The following PLPP1 variants were observed in gnomAD, a reference collection of about 807,000 sequenced individuals.
PLPP1 encodes the protein phospholipid phosphatase 1, also known as lipid phosphate phosphohydrolase 1a.
A neutral mutation model predicts 31.2 loss-of-function variants in PLPP1; 24 were observed. The ratio of observed to expected loss-of-function variants is 0.77; its 90% CI spans 0.56 to 1.08. The LOEUF is 1.08. Ranked by LOEUF, PLPP1 falls within the 50% of genes least tolerant of loss-of-function variation. The pLI, the probability that PLPP1 is intolerant of heterozygous loss-of-function variation, is 0.00. For synonymous variants in PLPP1, 146 were observed against 126.3 expected (o/e 1.16, Z -1.05); for missense variants, 319 against 342.7 (o/e 0.93, Z 0.55).
chr5:55,430,493 A>G (rs1489367982), intron 4 of PLPP1, among the ~76,000 whole-genome samples: 2 of 152,200 alleles, frequency 1.3e-5, no homozygotes, highest in Admixed American at 1.3e-4. Context: ...CTTTACAGCC[A>G]AAGAAATCAT....
chr5:55,522,129 G>A (rs1753682621), intron 1 of PLPP1, among the ~76,000 whole-genome samples: 1 of 152,120 alleles, frequency 6.6e-6, no homozygotes, highest in South Asian at 2.1e-4. Context: ...TAAATCACGA[G>A]ATTCTAACTA....
chr5:55,466,250 T>C (rs1351835956), intron 3 of PLPP1, among the ~76,000 whole-genome samples: 1 of 152,168 alleles, frequency 6.6e-6, no homozygotes, highest in Non-Finnish European at 1.5e-5. Flanking sequence ...CAAGTTCTCT[T>C]CCATTCTCAT....
chr5:55,496,899 G>GAATAAATCTAA (rs1277276217), intron 1 of PLPP1, among the ~76,000 whole-genome samples: 1 of 151,970 alleles, frequency 6.6e-6, no homozygotes, highest in Non-Finnish European at 1.5e-5. Context: ...TATTCCAATG[G>GAATAAATCTAA]AATAAATCTA....
chr5:55,483,669 CA>C (rs35550771), intron 1 of PLPP1, among the ~76,000 whole-genome samples: 1,294 of 117,224 alleles, frequency 0.011, 12 homozygotes, highest in African/African-American at 0.04. Context: ...GAGACTGTCT[CA>C]AAAAAAAAAA....
chr5:55,427,774 T>TG (rs1383699864), intron 4 of PLPP1, among the ~76,000 whole-genome samples: 1 of 129,198 alleles, frequency 7.7e-6, no homozygotes, highest in African/African-American at 2.9e-5. Context: ...CAACACTTTT[T>TG]TGGGGGGGGG....
chr5:55,504,677 T>C (rs1753232778), intron 1 of PLPP1, among the ~76,000 whole-genome samples: 1 of 151,958 alleles, frequency 6.6e-6, no homozygotes, highest in African/African-American at 2.4e-5. Flanking sequence ...TACTAAAGTG[T>C]AAGAAATATA....
intron 4 of PLPP1, among the ~76,000 whole-genome samples, chr5:55,430,969 T>C (rs1211228617): frequency 6.6e-6 from 1 of 152,172 alleles, no homozygotes; most frequent in Non-Finnish European, 1.5e-5. Flanking sequence ...GTTTCAACAA[T>C]AGACTGCATC....
chr5:55,515,884 A>G (rs1279646849), intron 1 of PLPP1, among the ~76,000 whole-genome samples: 2 of 152,182 alleles, frequency 1.3e-5, no homozygotes, highest in Non-Finnish European at 2.9e-5. Flanking sequence ...AACGATTCTC[A>G]AAAGTCTGAC....
intron 1 of PLPP1, among the ~76,000 whole-genome samples, chr5:55,479,948 G>A (rs931255512): frequency 2.6e-5 from 4 of 152,240 alleles, no homozygotes; most frequent in South Asian, 4.1e-4. Flanking sequence ...ATATATGTAT[G>A]TGGAATTAAA....
rs186679018 is a variant in PLPP1 at position 55,506,033 on chromosome 5, G to A, written c.58+28539C>T. Among the ~76,000 whole-genome samples, 390 of 152,156 alleles carry A rather than the reference G, an allele frequency of 2.6e-3. 1 individual carries two copies. Among genetic ancestry groups the A allele is most frequent in the African/African-American group, 9.0e-3 (374 of 41,508 alleles). On this transcript the variant is annotated intron_variant, in intron 1 of 5. Coordinates refer to ENST00000307259, the MANE Select transcript of PLPP1 (RefSeq NM_003711.4). ...GATCACGCCACTGCACTCCAGCGTA[G>A]GCAACAGAGCAAGACTCTGTCTCAA...
intron 3 of PLPP1, among the ~76,000 whole-genome samples, chr5:55,465,023 G>GT (rs1490139116): frequency 7.2e-6 from 1 of 139,846 alleles, no homozygotes; most frequent in Non-Finnish European, 1.5e-5. Flanking sequence ...TCCTATAAGT[G>GT]TTTTTTTATG....
At chr5:55,433,938 A>C (rs1189616063) in intron 4 of PLPP1, among the ~76,000 whole-genome samples, 3 of 152,008 alleles carry the variant, frequency 2.0e-5, no homozygotes, top group Non-Finnish European at 4.4e-5. Flanking sequence ...GGAGTTCAAA[A>C]CCAGCCTGGC....
chr5:55,467,028 T>C (rs566975018), intron 3 of PLPP1, among the ~76,000 whole-genome samples: 2 of 152,328 alleles, frequency 1.3e-5, no homozygotes, highest in East Asian at 3.9e-4. Flanking sequence ...TTCTGAGTTC[T>C]AAACATTCTG....
chr5:55,485,294 A>G (rs1034108060), intron 1 of PLPP1, among the ~76,000 whole-genome samples: 3 of 152,180 alleles, frequency 2.0e-5, no homozygotes, highest in Admixed American at 1.3e-4. Context: ...AGCATGCTGC[A>G]ACACAAAAGA....
intron 1 of PLPP1, among the ~76,000 whole-genome samples, chr5:55,523,824 A>C (rs1249810677): frequency 2.6e-5 from 4 of 152,108 alleles, no homozygotes. Context: ...TTTGTTCCTT[A>C]AATCTCAAGT....
At position 55,425,154 on chromosome 5, in the gene PLPP1, A is replaced by G. The variant is rs372602213; in HGVS notation, c.*52T>C. ...AGATGCATCCTCTTGCCTTGTGGCA[A>G]TCATTTTCCTTTAGAAAACAGGCCA... On this transcript the variant is annotated 3_prime_UTR_variant, in exon 6 of 6. Coordinates refer to ENST00000307259, the MANE Select transcript of PLPP1 (RefSeq NM_003711.4). 5.5e-5 allele frequency: 87 copies of G among 1,578,136 alleles called. No homozygotes were observed. The African/African-American group carries it at 9.0e-4, about 16-fold the overall frequency.
In PLPP1 at chr5:55,534,863, G is replaced by T; in HGVS notation, c.-234C>A. The T allele has an allele frequency of 2.0e-6, 1 of 506,820 alleles. No homozygotes were observed. Among genetic ancestry groups the T allele is most frequent in the Non-Finnish European group, 3.5e-6 (1 of 289,366 alleles). The allele number at this position is 506,820 out of a possible 1,614,324, so 31.4% of individuals were successfully genotyped here. On this transcript the variant is annotated 5_prime_UTR_variant, in exon 1 of 6. Transcript: ENST00000307259. Reference sequence around the variant, plus strand: ...CCCGCGAACACTCGGTTAGTGCCGAGGCGCTCGTGTGCCAGCCGCGGCAGC... The same window carrying T: ...CCCGCGAACACTCGGTTAGTGCCGATGCGCTCGTGTGCCAGCCGCGGCAGC...
intron 3 of PLPP1, among the ~76,000 whole-genome samples, chr5:55,448,006 A>G (rs1269801538): frequency 7.2e-5 from 11 of 152,230 alleles, no homozygotes; most frequent in Admixed American, 6.5e-4. Flanking sequence ...GAAGTATAGC[A>G]TAAGTTCCCC....
chr5:55,495,440 A>G (rs1343915636), intron 1 of PLPP1, among the ~76,000 whole-genome samples: 1 of 152,192 alleles, frequency 6.6e-6, no homozygotes, highest in East Asian at 1.9e-4. Flanking sequence ...TAAACAAAAG[A>G]ATGAATGAAC....
Sources: gnomAD v4.1 joint callset for allele counts (sites outside exome capture counted in the v4.1 genomes callset) on GRCh38, gnomAD v4.1.1 for gene constraint, MANE v1.5 for transcripts, NCBI Gene and HGNC (gene_info 2026-07-23, HGNC 2026-07-21) for gene names.